Variants in FAM47E observed in about 807,000 individuals in gnomAD.
FAM47E encodes the protein protein FAM47E.
FAM47E carries 32 observed loss-of-function variants against 41.6 expected under a neutral mutation model. The ratio of observed to expected loss-of-function variants is 0.77; its 90% CI spans 0.58 to 1.03. The LOEUF (loss-of-function observed/expected upper bound fraction) is 1.03. Among genes scored for constraint, FAM47E ranks in the 50% least tolerant of loss-of-function variants. The probability of loss-of-function intolerance (pLI) is 0.00; values close to 1 mark genes in which losing one functional copy is unlikely to be tolerated. For missense variants in FAM47E, 424 were observed against 485.4 expected (o/e 0.87, Z 1.19); for synonymous variants, 184 against 188.7 (o/e 0.98, Z 0.20).
At chr4:76,220,135 G>A (rs967627605) in intron 2 of FAM47E, among the ~76,000 whole-genome samples, 1 of 152,158 alleles carries the variant, frequency 6.6e-6, no homozygotes, top group African/African-American at 2.4e-5. Flanking sequence ...ATTATCATAT[G>A]ACCTAGCAAC....
chr4:76,256,541 T>C lies in FAM47E; in HGVS notation c.420+18T>C, dbSNP rs1370690068. 2.0e-6 allele frequency: 3 copies of C among 1,519,508 alleles called. No individual in the cohort carries two copies. Among genetic ancestry groups the C allele is most frequent in the South Asian group, 1.2e-5 (1 of 81,064 alleles). 94.1% of individuals were successfully genotyped at this position (1,519,508 alleles called of 1,614,324 possible). A position where few individuals can be genotyped will look rare whatever the true frequency, so the allele number is the denominator to read the frequency against. On this transcript the variant is annotated intron_variant, in intron 2 of 7. Coordinates refer to ENST00000424749, the MANE Select transcript of FAM47E (RefSeq NM_001136570.3). ...CCATAGAGGTGATGTGTCCTAGGGT[T>C]TGTGGGAGGGGCTTCACTGGGGCCT...
chr4:76,244,934 A>G (rs1368672506), intron 2 of FAM47E, among the ~76,000 whole-genome samples: 1 of 152,210 alleles, frequency 6.6e-6, no homozygotes, highest in Non-Finnish European at 1.5e-5. Context: ...CATTGTAGTA[A>G]AAGTTTCATT....
chr4:76,244,490 C>T (rs571055280), intron 2 of FAM47E, among the ~76,000 whole-genome samples: 152 of 150,802 alleles, frequency 1.0e-3, no homozygotes, highest in African/African-American at 3.6e-3. Flanking sequence ...CTCTAATGAC[C>T]AGTGATGAGC....
intron 2 of FAM47E, among the ~76,000 whole-genome samples, chr4:76,262,510 T>C (rs370956937): frequency 2.6e-5 from 4 of 152,222 alleles, no homozygotes; most frequent in South Asian, 4.1e-4. Flanking sequence ...ATGCTGGAGA[T>C]GTACATTGTG....
At chr4:76,268,628 A>AT in intron 3 of FAM47E, 32 bp from the exon 4 acceptor site, 1 of 1,543,524 alleles carries the variant, frequency 6.5e-7, no homozygotes, top group South Asian at 1.2e-5. Flanking sequence ...ATTGTGTCTC[A>AT]TATTGTAATT....
intron 1 of FAM47E, among the ~76,000 whole-genome samples, chr4:76,255,389 T>C (rs1490248298): frequency 6.6e-6 from 1 of 152,080 alleles, no homozygotes; most frequent in African/African-American, 2.4e-5. Context: ...AGTAGAACAG[T>C]GTCTGTTATG....
rs116093445 is a variant in FAM47E, at chr4:76,263,844, G to A, written c.560+1G>A. 6,673 of 1,550,980 alleles carry A rather than the reference G, an allele frequency of 4.3e-3. 255 individuals are homozygous for A. In the African/African-American group the frequency reaches 0.08, roughly 19 times the overall value. ...ATTCTACCCAAGTCTACCTGGGACC[G>A]TGAGTATTGTTCTTAACCCTTCGAT... On this transcript the variant is annotated splice_donor_variant, in intron 3 of 7. Transcript: ENST00000424749. LOFTEE classifies it high-confidence loss of function.
At chr4:76,224,644 C>T (rs1175068044) in intron 2 of FAM47E, among the ~76,000 whole-genome samples, 1 of 152,200 alleles carries the variant, frequency 6.6e-6, no homozygotes, top group African/African-American at 2.4e-5. Context: ...TTCACTGCAA[C>T]CTCTGCCTCC....
intron 6 of FAM47E, chr4:76,278,539 A>C (rs1735221842): frequency 1.9e-5 from 7 of 373,574 alleles, no homozygotes; most frequent in Non-Finnish European, 4.7e-6. Context: ...TGGTACGACC[A>C]CCTCAGTGCC....
At chr4:76,219,862 T>C (rs1008908460) in intron 2 of FAM47E, among the ~76,000 whole-genome samples, 2 of 152,158 alleles carry the variant, frequency 1.3e-5, no homozygotes, top group Admixed American at 6.5e-5. Flanking sequence ...TCTGAAATGA[T>C]TACCTAGAAG....
chr4:76,242,428 A>G (rs1246073307), intron 2 of FAM47E, among the ~76,000 whole-genome samples: 2 of 152,320 alleles, frequency 1.3e-5, no homozygotes, highest in East Asian at 3.9e-4. Context: ...AGTAGTTGCC[A>G]TTACCATGCT....
rs779089305 is a variant in FAM47E, at chr4:76,217,682, A to G, written c.75A>G (p.Gln25=). 3.9e-4 allele frequency: 248 copies of G among 635,066 alleles called. 1 individual carries two copies. Among genetic ancestry groups the G allele is most frequent in the Middle Eastern group, 1.2e-3 (5 of 4,054 alleles). The allele number at this position is 635,066 out of a possible 1,614,324, so 39.3% of individuals were successfully genotyped here. ...CAAATAAACCTCTTTTCACTACCCA[A>G]TCTCAGGTATTGTTATAGCAACACA... The change falls in exon 2 of 8, where the codon CAA becomes CAG. Residue 25 remains glutamine, a synonymous_variant. Transcript: ENST00000510197.
intron 2 of FAM47E, among the ~76,000 whole-genome samples, chr4:76,221,988 T>C (rs943248556): frequency 2.0e-5 from 3 of 152,214 alleles, no homozygotes; most frequent in African/African-American, 7.2e-5. Context: ...TCTTTAACAA[T>C]AGGTGACTAC....
At chr4:76,241,346 G>T (rs1279429777) in intron 2 of FAM47E, among the ~76,000 whole-genome samples, 1 of 152,150 alleles carries the variant, frequency 6.6e-6, no homozygotes, top group Admixed American at 6.5e-5. Flanking sequence ...CAGAGGAGGT[G>T]GAGTTTGCCA....
At chr4:76,230,825 C>G (rs1333884353) in intron 2 of FAM47E, among the ~76,000 whole-genome samples, 1 of 152,140 alleles carries the variant, frequency 6.6e-6, no homozygotes. Context: ...TTGTCAGTAG[C>G]CTTGAATTCC....
intron 1 of FAM47E, among the ~76,000 whole-genome samples, chr4:76,252,138 C>T (rs141782903): frequency 0.016 from 2,425 of 152,204 alleles, 78 homozygotes; most frequent in African/African-American, 0.055. Context: ...TGCTAGCCAC[C>T]CACCCTTTTC....
At chr4:76,221,631 A>G (rs991757796) in intron 2 of FAM47E, among the ~76,000 whole-genome samples, 1 of 152,134 alleles carries the variant, frequency 6.6e-6, no homozygotes, top group Non-Finnish European at 1.5e-5. Context: ...ATTCCCCATT[A>G]TTTCAAGCGA....
intron 1 of FAM47E, among the ~76,000 whole-genome samples, chr4:76,215,881 A>G (rs1364853609): frequency 1.3e-5 from 2 of 152,210 alleles, no homozygotes; most frequent in Non-Finnish European, 2.9e-5. Context: ...GCCCTGCTCA[A>G]AATGCAAAAT....
At chr4:76,244,533 C>T (rs368210240) in intron 2 of FAM47E, among the ~76,000 whole-genome samples, 2 of 66,072 alleles carry the variant, frequency 3.0e-5, no homozygotes, top group African/African-American at 6.3e-5. Flanking sequence ...AGGCATTCTT[C>T]TTTTTTTTTT....
Sources: allele counts gnomAD v4.1 joint callset (sites outside exome capture counted in the v4.1 genomes callset), GRCh38; gene constraint gnomAD v4.1.1; transcripts MANE v1.5; gene names NCBI Gene and HGNC (gene_info 2026-07-23, HGNC 2026-07-21).